The following MTMR8 variants were observed in gnomAD, a reference collection of about 807,000 sequenced individuals.
MTMR8 encodes the protein myotubularin related protein 8.
A neutral mutation model predicts 39.3 loss-of-function variants in MTMR8; 65 were observed. The observed-to-expected ratio is 1.65, with a 90% CI of 1.35 to 2.03. The LOEUF (loss-of-function observed/expected upper bound fraction) is 2.03, where lower values mean the gene tolerates loss of function less well. MTMR8 is among the 30% of genes most tolerant of loss of function. The probability of loss-of-function intolerance (pLI) is 0.00; values close to 1 mark genes in which losing one functional copy is unlikely to be tolerated. For synonymous variants in MTMR8, 245 were observed against 185.2 expected (o/e 1.32, Z -2.62); for missense variants, 777 against 538.9 (o/e 1.44, Z -4.37).
chrX:64,290,781 A>G (rs1006336502), intron 12 of MTMR8, among the ~76,000 whole-genome samples: 1 of 112,350 alleles, frequency 8.9e-6, no homozygotes, highest in African/African-American at 3.2e-5. Context: ...AAGGTGTTGC[A>G]TATATTTAGT....
chrX:64,308,542 T>C (rs1404221772), intron 12 of MTMR8, among the ~76,000 whole-genome samples: 5 of 110,477 alleles, frequency 4.5e-5, no homozygotes, highest in Non-Finnish European at 9.4e-5. Flanking sequence ...GAATATAGTA[T>C]CATCTATTAT....
chrX:64,302,097 G>T (rs999609268), intron 12 of MTMR8, among the ~76,000 whole-genome samples: 2 of 112,973 alleles, frequency 1.8e-5, no homozygotes, highest in Non-Finnish European at 1.9e-5. Context: ...GCTCCACCCA[G>T]TTCGAGCTTT....
chrX:64,273,523 C>A (rs1333840561), intron 12 of MTMR8, among the ~76,000 whole-genome samples: 1 of 108,667 alleles, frequency 9.2e-6, no homozygotes, highest in African/African-American at 3.3e-5. Context: ...AGGAAGAAAG[C>A]AAGAAATGAA....
chrX:64,363,307 G>A (rs1287073867), intron 1 of MTMR8, among the ~76,000 whole-genome samples: 3 of 112,047 alleles, frequency 2.7e-5, no homozygotes, highest in Non-Finnish European at 5.6e-5. Flanking sequence ...TTGGTGGTGG[G>A]GCCTGGTGGG....
chrX:64,366,071 A>C (rs184561196), intron 1 of MTMR8, among the ~76,000 whole-genome samples: 230 of 112,353 alleles, frequency 2.0e-3, no homozygotes, highest in Non-Finnish European at 3.2e-3. Context: ...TTAAATATAT[A>C]TGCACCCAAT....
At chrX:64,285,164 T>A (rs1412395214) in intron 12 of MTMR8, among the ~76,000 whole-genome samples, 1 of 110,329 alleles carries the variant, frequency 9.1e-6, no homozygotes. Context: ...AAAGGCAGGG[T>A]TTGCAATCCT....
At chrX:64,359,284 T>A (rs1404901163) in intron 2 of MTMR8, 121 bp downstream of exon 2, 1 of 712,064 alleles carries the variant, frequency 1.4e-6, no homozygotes, top group Non-Finnish European at 1.9e-6. Context: ...GAATAGGTCC[T>A]CTGAAGAAAA....
chrX:64,307,734 A>G (rs956770325), intron 12 of MTMR8, among the ~76,000 whole-genome samples: 2 of 112,060 alleles, frequency 1.8e-5, no homozygotes, highest in Admixed American at 9.5e-5. Flanking sequence ...TCCAAAAAAA[A>G]TCTGCCTGCG....
At chrX:64,295,199 C>T (rs1352655615) in intron 12 of MTMR8, among the ~76,000 whole-genome samples, 2 of 110,062 alleles carry the variant, frequency 1.8e-5, no homozygotes, top group Non-Finnish European at 3.8e-5. Context: ...TTGGCTCTCC[C>T]GTAAGTGCAC....
chrX:64,297,934 G>T (rs1921682346), intron 12 of MTMR8, among the ~76,000 whole-genome samples: 1 of 96,842 alleles, frequency 1.0e-5, no homozygotes, highest in Non-Finnish European at 2.1e-5. Flanking sequence ...CTGTTCCATT[G>T]ATCTATATCT....
intron 12 of MTMR8, among the ~76,000 whole-genome samples, chrX:64,317,456 C>T (rs1365918627): frequency 3.6e-5 from 4 of 111,620 alleles, no homozygotes; most frequent in Non-Finnish European, 7.5e-5. Flanking sequence ...GTATTCTTTC[C>T]TCTTTCCCTT....
intron 1 of MTMR8, among the ~76,000 whole-genome samples, chrX:64,377,841 C>T (rs1602156006): frequency 8.9e-6 from 1 of 112,112 alleles, no homozygotes; most frequent in Non-Finnish European, 1.9e-5. Flanking sequence ...AATATCATGT[C>T]GAACTGTAAT....
At chrX:64,280,439 G>A (rs1931979127) in intron 12 of MTMR8, among the ~76,000 whole-genome samples, 1 of 111,909 alleles carries the variant, frequency 8.9e-6, no homozygotes, top group Non-Finnish European at 1.9e-5. Flanking sequence ...CAGAACCAAT[G>A]ACAAAAACCA....
intron 6 of MTMR8, among the ~76,000 whole-genome samples, chrX:64,345,817 C>T (rs773977198): frequency 7.2e-5 from 8 of 111,677 alleles, no homozygotes; most frequent in Non-Finnish European, 1.1e-4. Context: ...AAGACAGTCT[C>T]GCTGTTCCCC....
At chrX:64,374,458 G>A (rs1011288988) in intron 1 of MTMR8, among the ~76,000 whole-genome samples, 2 of 111,934 alleles carry the variant, frequency 1.8e-5, no homozygotes, top group Non-Finnish European at 1.9e-5. Flanking sequence ...GCCAGGCACT[G>A]TGTCAAATGT....
chrX:64,301,788 T>C (rs1187043476), intron 12 of MTMR8, among the ~76,000 whole-genome samples: 1 of 111,964 alleles, frequency 8.9e-6, no homozygotes, highest in Non-Finnish European at 1.9e-5. Flanking sequence ...TTAGTTTTCC[T>C]TCTAACAGAC....
chrX:64,271,109 G>A (rs745864349), intron 12 of MTMR8, 36 bp from the exon 13 acceptor site: 2 of 1,150,559 alleles, frequency 1.7e-6, no homozygotes, highest in Non-Finnish European at 2.3e-6. Flanking sequence ...AAGTGGGTTA[G>A]TTTAGCTGGA....
At chrX:64,385,626 T>TG (rs1924536856) in intron 1 of MTMR8, among the ~76,000 whole-genome samples, 1 of 111,167 alleles carries the variant, frequency 9.0e-6, no homozygotes, top group Admixed American at 9.6e-5. Flanking sequence ...CTTATAACCA[T>TG]GGTGGAAGGT....
At chrX:64,331,226 G>T (rs182809260) in intron 11 of MTMR8, among the ~76,000 whole-genome samples, 42 of 112,035 alleles carry the variant, frequency 3.7e-4, no homozygotes, top group Non-Finnish European at 6.8e-4. Flanking sequence ...TGTAATCTCT[G>T]ATATGAGTGA....
Sources: gnomAD v4.1 joint callset for allele counts (sites outside exome capture counted in the v4.1 genomes callset) on GRCh38, gnomAD v4.1.1 for gene constraint, MANE v1.5 for transcripts, NCBI Gene and HGNC (gene_info 2026-07-23, HGNC 2026-07-21) for gene names.